The following SETX variants were observed in gnomAD, a reference collection of about 807,000 sequenced individuals.
The protein encoded by SETX is senataxin.
A neutral mutation model predicts 227.2 loss-of-function variants in SETX; 90 were observed. The observed-to-expected ratio is 0.40, with a 90% CI of 0.33 to 0.47. SETX has a LOEUF of 0.47. SETX is among the 20% of genes least tolerant of loss of function. The probability of loss-of-function intolerance (pLI) is 0.91; values close to 1 mark genes in which losing one functional copy is unlikely to be tolerated. For missense variants in SETX, 3,052 were observed against 3,181.5 expected (o/e 0.96, Z 0.98); for synonymous variants, 1,210 against 1,113.2 (o/e 1.09, Z -1.73).
In SETX at chr9:132,300,763, T is replaced by C. The variant is rs1844947685; in HGVS notation, c.5415A>G (p.Pro1805=). 6.2e-7 allele frequency: 1 copy of C among 1,613,548 alleles called. No individual in the cohort carries two copies. Among genetic ancestry groups the C allele is most frequent in the Non-Finnish European group, 8.5e-7 (1 of 1,179,892 alleles). Residue 1805 remains proline (P), a synonymous_variant, in exon 12 of 26, where the codon CCA becomes CCG. Transcript: ENST00000224140. ...CTAAAAACACCAAATCGTTTTCCTT[T>C]GGATAAAGCTGTTTAGCCAGTTCAC... ...EECELAKQLY[P]KENDLVFLAP...
chr9:132,277,185 AT>A, intron 21 of SETX, 33 bp from the exon 22 acceptor site: 5 of 1,587,632 alleles, frequency 3.1e-6, no homozygotes, highest in African/African-American at 2.7e-5. Context: ...AACATTCAGA[AT>A]AAAGTCAAGA....
chr9:132,331,568 C>T, intron 7 of SETX, 120 bp from the exon 8 acceptor site: 1 of 1,115,422 alleles, frequency 9.0e-7, no homozygotes, highest in Non-Finnish European at 1.3e-6. Flanking sequence ...AGCCAAGGAG[C>T]AAATAATTTA....
intron 15 of SETX, among the ~76,000 whole-genome samples, chr9:132,293,880 C>T (rs1245525897): frequency 6.6e-6 from 1 of 151,962 alleles, no homozygotes; most frequent in Non-Finnish European, 1.5e-5. Context: ...AAAAATTAGC[C>T]GGGTGTTGTG....
upstream of SETX, among the ~76,000 whole-genome samples, chr9:132,355,622 T>G (rs928110380): frequency 6.6e-6 from 1 of 151,882 alleles, no homozygotes; most frequent in Non-Finnish European, 1.5e-5. Flanking sequence ...GGAGGCTCGC[T>G]TGAGCCCGGA....
chr9:132,342,404 C>A (rs1848030066), intron 5 of SETX, among the ~76,000 whole-genome samples: 1 of 152,102 alleles, frequency 6.6e-6, no homozygotes, highest in African/African-American at 2.4e-5. Flanking sequence ...GTGAGAAAGT[C>A]AAGAGAAGAG....
intron 10 of SETX, among the ~76,000 whole-genome samples, chr9:132,320,166 G>A (rs1038190365): frequency 3.9e-5 from 6 of 152,020 alleles, no homozygotes; most frequent in East Asian, 1.9e-4. Context: ...TTTGTCTTTC[G>A]TAAGAGATAA....
In SETX at chr9:132,264,178, C is replaced by T. The variant is rs908069047; in HGVS notation, c.*61G>A. ...AAACAAGCTTATCTAGATGGTCCCA[C>T]GAGCTGGTCATCTTCAGTTTACAAT... On this transcript the variant is annotated 3_prime_UTR_variant, in exon 26 of 26. Transcript: ENST00000224140. The T allele has an allele frequency of 1.2e-5, 19 of 1,608,668 alleles. No homozygotes were observed. Among genetic ancestry groups the T allele is most frequent in the African/African-American group, 4.0e-5 (3 of 74,896 alleles).
intron 11 of SETX, among the ~76,000 whole-genome samples, chr9:132,308,300 C>G (rs557065194): frequency 3.7e-4 from 57 of 152,274 alleles, no homozygotes; most frequent in African/African-American, 1.3e-3. Flanking sequence ...TGGATCAATC[C>G]TCTAGTTCCA....
At chr9:132,296,289 AC>A (rs1316796479) in intron 14 of SETX, among the ~76,000 whole-genome samples, 3 of 152,264 alleles carry the variant, frequency 2.0e-5, no homozygotes, top group African/African-American at 7.2e-5. Flanking sequence ...ACAGTGGCTC[AC>A]GCCTGTAATC....
intron 5 of SETX, among the ~76,000 whole-genome samples, chr9:132,338,138 C>A (rs1257052354): frequency 6.9e-6 from 1 of 144,242 alleles, no homozygotes; most frequent in Admixed American, 7.4e-5. Context: ...ATCGCCCAGG[C>A]TGGCATGCAG....
chr9:132,309,873 G>T (rs1475313335), intron 11 of SETX, among the ~76,000 whole-genome samples: 1 of 152,144 alleles, frequency 6.6e-6, no homozygotes, highest in Non-Finnish European at 1.5e-5. Flanking sequence ...ACCTGTAGCA[G>T]AGAAAGATTT....
intron 18 of SETX, among the ~76,000 whole-genome samples, chr9:132,285,495 C>T (rs1278780515): frequency 1.3e-5 from 2 of 152,100 alleles, no homozygotes; most frequent in East Asian, 3.9e-4. Context: ...GCCTGTAATG[C>T]CAACACTTTG....
intron 10 of SETX, among the ~76,000 whole-genome samples, chr9:132,317,643 T>A (rs1428650598): frequency 1.3e-5 from 2 of 151,890 alleles, no homozygotes; most frequent in African/African-American, 2.4e-5. Flanking sequence ...TTTTTTTTTT[T>A]AAAGGGACAG....
intron 10 of SETX, among the ~76,000 whole-genome samples, chr9:132,322,304 G>T (rs1189017041): frequency 6.6e-6 from 1 of 151,938 alleles, no homozygotes; most frequent in African/African-American, 2.4e-5. Flanking sequence ...TATTTACTAT[G>T]CTGTGCAACC....
At chr9:132,339,320 A>C (rs1847828757) in intron 5 of SETX, among the ~76,000 whole-genome samples, 1 of 152,034 alleles carries the variant, frequency 6.6e-6, no homozygotes. Context: ...CCATCTCTAC[A>C]AAAAATTAGC....
chr9:132,325,374 AAAGAAAG>A (rs1302964959), intron 10 of SETX, among the ~76,000 whole-genome samples: 1 of 148,526 alleles, frequency 6.7e-6, no homozygotes, highest in African/African-American at 2.5e-5. Flanking sequence ...AAAAAAGAAA[AAAGAAAG>A]AAAGAAACTG....
chr9:132,299,115 C>G (rs1166328076), intron 12 of SETX, among the ~76,000 whole-genome samples: 2 of 152,154 alleles, frequency 1.3e-5, no homozygotes, highest in Non-Finnish European at 2.9e-5. Flanking sequence ...AAGGAAAAAT[C>G]AATCATATCT....
chr9:132,316,539 A>G (rs1039825558), intron 10 of SETX, among the ~76,000 whole-genome samples: 4 of 152,206 alleles, frequency 2.6e-5, no homozygotes, highest in African/African-American at 9.7e-5. Flanking sequence ...TGACATTTTG[A>G]TATTTTCTTC....
chr9:132,265,524 G>A (rs1488917650), intron 25 of SETX, among the ~76,000 whole-genome samples: 4 of 151,976 alleles, frequency 2.6e-5, no homozygotes, highest in Admixed American at 6.6e-5. Flanking sequence ...GTGCCTGGCC[G>A]AACTTCAGCC....
Sources: gnomAD v4.1 joint callset for allele counts (sites outside exome capture counted in the v4.1 genomes callset) on GRCh38, gnomAD v4.1.1 for gene constraint, MANE v1.5 for transcripts, NCBI Gene and HGNC (gene_info 2026-07-23, HGNC 2026-07-21) for gene names.